Variants in DPYSL3 observed in about 807,000 individuals in gnomAD.
The protein encoded by DPYSL3 is dihydropyrimidinase like 3.
In DPYSL3, 16 loss-of-function variants were observed where a neutral mutation model predicts 66.1. The ratio of observed to expected loss-of-function variants is 0.24; its 90% CI spans 0.16 to 0.37. The LOEUF (loss-of-function observed/expected upper bound fraction) is 0.37, where lower values mean the gene tolerates loss of function less well. Among genes scored for constraint, DPYSL3 ranks in the 10% least tolerant of loss-of-function variants. The probability of loss-of-function intolerance (pLI) is 1.00; values close to 1 mark genes in which losing one functional copy is unlikely to be tolerated. For missense variants in DPYSL3, 738 were observed against 916.2 expected, an observed-to-expected ratio of 0.81 and a Z score of 2.51; for synonymous variants, 338 against 345.1, an observed-to-expected ratio of 0.98 and a Z score of 0.23.
chr5:147,429,371 C>G (rs370579002), intron 1 of DPYSL3, among the ~76,000 whole-genome samples: 2 of 152,084 alleles, frequency 1.3e-5, no homozygotes, highest in East Asian at 3.9e-4. Flanking sequence ...CACTTAACTA[C>G]GTGTGTGATC....
intron 6 of DPYSL3, among the ~76,000 whole-genome samples, chr5:147,410,610 G>T (rs566289242): frequency 3.3e-5 from 5 of 152,260 alleles, no homozygotes; most frequent in African/African-American, 1.2e-4. Flanking sequence ...AAGGCTTGGC[G>T]TATAGTAGAT....
intron 12 of DPYSL3, among the ~76,000 whole-genome samples, chr5:147,397,245 G>A (rs1439990677): frequency 6.6e-6 from 1 of 151,016 alleles, no homozygotes; most frequent in Non-Finnish European, 1.5e-5. Context: ...AAGTTTTATT[G>A]AAAATACAGT....
At chr5:147,501,946 A>T (rs1753618442) in intron 1 of DPYSL3, among the ~76,000 whole-genome samples, 1 of 152,004 alleles carries the variant, frequency 6.6e-6, no homozygotes, top group Admixed American at 6.6e-5. Flanking sequence ...TAAAAATACG[A>T]GCTTATTTGT....
intron 1 of DPYSL3, among the ~76,000 whole-genome samples, chr5:147,475,841 T>C (rs974128393): frequency 6.6e-6 from 1 of 152,132 alleles, no homozygotes; most frequent in Non-Finnish European, 1.5e-5. Flanking sequence ...CACCCGAAGT[T>C]AATTTATTTG....
intron 1 of DPYSL3, among the ~76,000 whole-genome samples, chr5:147,497,798 T>C (rs779956560): frequency 5.3e-5 from 8 of 151,986 alleles, no homozygotes; most frequent in African/African-American, 7.2e-5. Context: ...GCTAACATCA[T>C]ATTTAATGGT....
chr5:147,504,582 C>T (rs1416596001), intron 1 of DPYSL3, among the ~76,000 whole-genome samples: 1 of 152,188 alleles, frequency 6.6e-6, no homozygotes, highest in Non-Finnish European at 1.5e-5. Flanking sequence ...AGCTGTCTCA[C>T]ATTGTGCAGG....
At chr5:147,436,040 T>A (rs981861905) in intron 1 of DPYSL3, among the ~76,000 whole-genome samples, 2 of 152,162 alleles carry the variant, frequency 1.3e-5, no homozygotes, top group Non-Finnish European at 2.9e-5. Context: ...GACCTAGTGA[T>A]AGGAAGGAAT....
chr5:147,451,151 T>C (rs1460445928), intron 1 of DPYSL3, among the ~76,000 whole-genome samples: 1 of 152,148 alleles, frequency 6.6e-6, no homozygotes, highest in Admixed American at 6.5e-5. Context: ...AAACGAAGCA[T>C]GAGAAAATTT....
chr5:147,500,613 CAAAAAA>C (rs755104191), intron 1 of DPYSL3, among the ~76,000 whole-genome samples: 28 of 57,286 alleles, frequency 4.9e-4, no homozygotes, highest in Non-Finnish European at 9.5e-4. Context: ...GACTCCATCT[CAAAAAA>C]AAAAAAAAAA....
rs1234943959 is a variant in DPYSL3, at chr5:147,399,076, C to A, written c.1623+6G>T. On this transcript the variant is annotated splice_donor_region_variant and intron_variant, in intron 11 of 13. Coordinates refer to ENST00000343218, the MANE Select transcript of DPYSL3 (RefSeq NM_001197294.2). ...TCTACTCCACTCCCACCAGAGCGGGCCTTACAGACTGGTGGTTCTTGGCAG... is the reference window on the plus strand; with the variant it reads ...TCTACTCCACTCCCACCAGAGCGGGACTTACAGACTGGTGGTTCTTGGCAG... The A allele has an allele frequency of 1.2e-6, 2 of 1,613,782 alleles. No homozygotes were observed. Among genetic ancestry groups the A allele is most frequent in the Admixed American group, 3.3e-5 (2 of 59,996 alleles).
chr5:147,452,663 T>C (rs1291413330), intron 1 of DPYSL3, among the ~76,000 whole-genome samples: 1 of 152,046 alleles, frequency 6.6e-6, no homozygotes, highest in Non-Finnish European at 1.5e-5. Context: ...GCGGCTTCTG[T>C]ACCTGATAAT....
In DPYSL3 at chr5:147,419,737, C is replaced by T. The variant is rs145871188; in HGVS notation, c.471-1106G>A. ...CTGGCCTCTCAAACTCCAAGTTCTGCGACTAAAATAAAGTATTCCTGACAT... is the reference window on the plus strand; with the variant it reads ...CTGGCCTCTCAAACTCCAAGTTCTGTGACTAAAATAAAGTATTCCTGACAT... On this transcript the variant is annotated intron_variant, in intron 2 of 13. Coordinates refer to ENST00000343218, the MANE Select transcript of DPYSL3 (RefSeq NM_001197294.2). 3.3e-3 allele frequency among the ~76,000 whole-genome samples: 503 copies of T among 152,258 alleles called. 2 individuals are homozygous for T. The highest frequency in any genetic ancestry group is 0.01 in the African/African-American group (422 of 41,540).
chr5:147,415,026 TG>T (rs989260526), intron 4 of DPYSL3, among the ~76,000 whole-genome samples: 1 of 151,850 alleles, frequency 6.6e-6, no homozygotes, highest in South Asian at 2.1e-4. Context: ...TGCCTGTATG[TG>T]GGGGGGAGGG....
Position 147,410,235 on chromosome 5 carries a change from G to A in DPYSL3, c.964-1439C>T, listed in dbSNP as rs199760567. Reference sequence around the variant, plus strand: ...TTTGAGTGCACCAGGATAATGCACAGGACAAAGCTAAGCTCAAGAGGTGGC... The same window carrying A: ...TTTGAGTGCACCAGGATAATGCACAAGACAAAGCTAAGCTCAAGAGGTGGC... On this transcript the variant is annotated intron_variant, in intron 6 of 13. Transcript: ENST00000343218. Among the ~76,000 whole-genome samples the A allele has an allele frequency of 8.5e-5, 13 of 152,162 alleles. 1 individual carries two copies. The highest frequency in any genetic ancestry group is 5.2e-4 in the Admixed American group (8 of 15,276).
chr5:147,404,467 G>A (rs2152018533), intron 8 of DPYSL3, among the ~76,000 whole-genome samples: 1 of 152,340 alleles, frequency 6.6e-6, no homozygotes, highest in South Asian at 2.1e-4. Flanking sequence ...AGGCCAGTTT[G>A]GTAGATGAAT....
intron 3 of DPYSL3, among the ~76,000 whole-genome samples, chr5:147,417,221 C>G (rs113418544): frequency 0.02 from 3,011 of 152,292 alleles, 105 homozygotes; most frequent in African/African-American, 0.069. Flanking sequence ...AGGTCCAACT[C>G]CTTGCCCAGA....
chr5:147,492,526 TAGG>T (rs1459490807), intron 1 of DPYSL3, among the ~76,000 whole-genome samples: 1 of 152,104 alleles, frequency 6.6e-6, no homozygotes, highest in East Asian at 1.9e-4. Flanking sequence ...ATACAAGAGA[TAGG>T]AGAAAATAAT....
chr5:147,403,411 A>G (rs1266252242), intron 8 of DPYSL3, among the ~76,000 whole-genome samples: 2 of 151,334 alleles, frequency 1.3e-5, no homozygotes, highest in Non-Finnish European at 2.9e-5. Flanking sequence ...GAGTAAAAGA[A>G]GCTAAGATAG....
intron 1 of DPYSL3, among the ~76,000 whole-genome samples, chr5:147,431,302 C>T (rs1437233496): frequency 6.6e-6 from 1 of 152,108 alleles, no homozygotes; most frequent in Middle Eastern, 3.2e-3. Flanking sequence ...CTCATCCTGG[C>T]TCTGTTATTA....
Sources: gnomAD v4.1 joint callset for allele counts (sites outside exome capture counted in the v4.1 genomes callset) on GRCh38, gnomAD v4.1.1 for gene constraint, MANE v1.5 for transcripts, NCBI Gene and HGNC (gene_info 2026-07-23, HGNC 2026-07-21) for gene names.